SLC30A8: variants seen among roughly 807,000 people sequenced by gnomAD.
SLC30A8 encodes solute carrier family 30 member 8, also known as proton-coupled zinc antiporter SLC30A8.
SLC30A8 carries 27 observed loss-of-function variants against 36.9 expected under a neutral mutation model. The ratio of observed to expected loss-of-function variants is 0.73; its 90% CI spans 0.54 to 1.01. The LOEUF is 1.01. Ranked by LOEUF, SLC30A8 falls within the 50% of genes least tolerant of loss-of-function variation. SLC30A8 has a pLI of 0.00. For missense variants in SLC30A8, 439 were observed against 452.0 expected (o/e 0.97, Z 0.26); for synonymous variants, 164 against 172.4 (o/e 0.95, Z 0.38).
intron 1 of SLC30A8, among the ~76,000 whole-genome samples, chr8:116,959,163 T>C (rs760781308): frequency 2.0e-5 from 3 of 152,122 alleles, no homozygotes; most frequent in African/African-American, 7.2e-5. Flanking sequence ...CTTTTCATTT[T>C]TTAAAAATTT....
chr8:116,996,683 A>G (rs1166034404), intron 1 of SLC30A8, among the ~76,000 whole-genome samples: 2 of 152,110 alleles, frequency 1.3e-5, no homozygotes, highest in African/African-American at 4.8e-5. Flanking sequence ...TTACCCTTGT[A>G]TAGGCAAACC....
intron 1 of SLC30A8, among the ~76,000 whole-genome samples, chr8:117,003,680 G>A (rs1336585653): frequency 2.0e-5 from 3 of 152,168 alleles, no homozygotes; most frequent in Non-Finnish European, 4.4e-5. Flanking sequence ...TAAATGATGA[G>A]TAGGGTTTTG....
chr8:117,100,398 A>C lies in SLC30A8; in HGVS notation c.-225-34882A>C, dbSNP rs777329156. Reference sequence around the variant, plus strand: ...ACCTTGGGGGAGGTATTCAAATCTTAATCTGTGAGAACATAACCACTTTTT... The same window carrying C: ...ACCTTGGGGGAGGTATTCAAATCTTCATCTGTGAGAACATAACCACTTTTT... On this transcript the variant is annotated intron_variant, in intron 2 of 10. Transcript: ENST00000427715. 3.3e-5 allele frequency among the ~76,000 whole-genome samples: 5 copies of C among 152,298 alleles called. No individual in the cohort carries two copies. In the East Asian group the frequency reaches 9.7e-4, roughly 29 times the overall value.
chr8:117,061,429 A>C (rs542467687), intron 2 of SLC30A8, among the ~76,000 whole-genome samples: 1 of 152,258 alleles, frequency 6.6e-6, no homozygotes, highest in Non-Finnish European at 1.5e-5. Context: ...TCACATGCCA[A>C]GGTTTTTGCT....
At chr8:116,976,519 C>A (rs1166050367) in intron 1 of SLC30A8, among the ~76,000 whole-genome samples, 2 of 152,158 alleles carry the variant, frequency 1.3e-5, no homozygotes. Context: ...AGGAATCCAT[C>A]AAACTCTCAA....
chr8:117,051,118 G>A (rs1817693336), intron 2 of SLC30A8, among the ~76,000 whole-genome samples: 1 of 152,206 alleles, frequency 6.6e-6, no homozygotes, highest in African/African-American at 2.4e-5. Flanking sequence ...AAGAGAAAAA[G>A]TGGCCTAGGA....
intron 1 of SLC30A8, among the ~76,000 whole-genome samples, chr8:117,018,674 CCTT>C (rs1563750419): frequency 8.4e-6 from 1 of 119,564 alleles, no homozygotes. Flanking sequence ...CCCCCCCCCC[CCTT>C]TTTTTTTTTG....
intron 2 of SLC30A8, among the ~76,000 whole-genome samples, chr8:117,052,909 C>CTTT (rs35990196): frequency 4.7e-4 from 67 of 143,608 alleles, no homozygotes; most frequent in East Asian, 6.1e-4. Flanking sequence ...CCTTTTTTTT[C>CTTT]TTTTTTTTTT....
In SLC30A8 at chr8:116,999,006, C is replaced by T. The variant is rs1055042341; in HGVS notation, c.-265-40213C>T. Among the ~76,000 whole-genome samples, 9 of 152,338 alleles carry T rather than the reference C, an allele frequency of 5.9e-5. No homozygotes were observed. The East Asian group carries it at 1.4e-3, about 23-fold the overall frequency. On this transcript the variant is annotated intron_variant, in intron 1 of 10. Coordinates refer to the SLC30A8 transcript ENST00000427715. ...GGGCCACGCGTGGTGGCACACGCCA[C>T]CCAGCACTTTAGGAGGCTGAGGCGG...
intron 1 of SLC30A8, among the ~76,000 whole-genome samples, chr8:116,959,071 G>A (rs1563722692): frequency 1.3e-5 from 2 of 151,656 alleles, no homozygotes; most frequent in East Asian, 1.9e-4. Flanking sequence ...GGATGGTCTC[G>A]ATCTCCTGAC....
chr8:117,144,840 A>C (rs942693105), intron 1 of SLC30A8, among the ~76,000 whole-genome samples: 1 of 152,144 alleles, frequency 6.6e-6, no homozygotes, highest in Admixed American at 6.6e-5. Context: ...TCTATGAGTC[A>C]GCATGGCTGG....
intron 2 of SLC30A8, among the ~76,000 whole-genome samples, chr8:117,109,589 C>G (rs1250099724): frequency 6.8e-6 from 1 of 147,268 alleles, no homozygotes; most frequent in East Asian, 2.0e-4. Context: ...TCCTAAGAGC[C>G]CCGTGTATAT....
chr8:116,970,817 G>A (rs1003953480), intron 1 of SLC30A8, among the ~76,000 whole-genome samples: 1 of 152,068 alleles, frequency 6.6e-6, no homozygotes, highest in South Asian at 2.1e-4. Context: ...AAATAAGGCC[G>A]GGGGTGGTGG....
chr8:116,955,546 G>A (rs1416644415), intron 1 of SLC30A8, among the ~76,000 whole-genome samples: 2 of 151,902 alleles, frequency 1.3e-5, no homozygotes, highest in Non-Finnish European at 1.5e-5. Flanking sequence ...TCTGACCAAT[G>A]GGGTGAAACC....
chr8:116,973,475 T>A (rs1814863569), intron 1 of SLC30A8, among the ~76,000 whole-genome samples: 1 of 152,080 alleles, frequency 6.6e-6, no homozygotes, highest in South Asian at 2.1e-4. Context: ...GGAATCCAAC[T>A]TACAAGGGAT....
chr8:117,024,143 A>G (rs961678135), intron 1 of SLC30A8, among the ~76,000 whole-genome samples: 1 of 152,222 alleles, frequency 6.6e-6, no homozygotes, highest in African/African-American at 2.4e-5. Context: ...GATATTGTTT[A>G]TCTGATAAAA....
chr8:116,986,346 C>T (rs1050310087), intron 1 of SLC30A8, among the ~76,000 whole-genome samples: 7 of 152,260 alleles, frequency 4.6e-5, no homozygotes, highest in South Asian at 2.1e-4. Flanking sequence ...CAAACACCTC[C>T]TCACCCTAGT....
chr8:117,001,412 CCTGA>C (rs1816008081), intron 1 of SLC30A8, among the ~76,000 whole-genome samples: 1 of 152,060 alleles, frequency 6.6e-6, no homozygotes, highest in African/African-American at 2.4e-5. Context: ...GCACCTGCAG[CCTGA>C]CTATCTCTCT....
At position 116,986,043 on chromosome 8, in the gene SLC30A8, G is replaced by T. The variant is rs975429641; in HGVS notation, c.-266+34924G>T. Among the ~76,000 whole-genome samples the T allele has an allele frequency of 2.0e-5, 3 of 152,092 alleles. No individual in the cohort carries two copies. The East Asian group carries it at 5.8e-4, about 29-fold the overall frequency. ...CTCATGCTAATAAGGGAAGGAATGG[G>T]ATTCTTTTGAGGGGTCATCAGTAGG... On this transcript the variant is annotated intron_variant, in intron 1 of 10. Transcript: ENST00000427715.
Sources: gnomAD v4.1 joint callset for allele counts (sites outside exome capture counted in the v4.1 genomes callset) on GRCh38, gnomAD v4.1.1 for gene constraint, MANE v1.5 for transcripts, NCBI Gene and HGNC (gene_info 2026-07-23, HGNC 2026-07-21) for gene names.